KLHL13: variants seen among roughly 807,000 people sequenced by gnomAD.
The protein encoded by KLHL13 is kelch like family member 13, also known as kelch-like protein 13.
In KLHL13, 10 loss-of-function variants were observed where a neutral mutation model predicts 37.1. That is an observed-to-expected ratio of 0.27 (90% CI 0.17 to 0.46). KLHL13 has a LOEUF of 0.46. Among genes scored for constraint, KLHL13 ranks in the 20% least tolerant of loss-of-function variants. KLHL13 has a pLI of 1.00. For missense variants in KLHL13, 360 were observed against 509.3 expected (o/e 0.71, Z 2.82); for synonymous variants, 163 against 181.2 (o/e 0.90, Z 0.81).
chrX:118,108,857 A>C (rs1489997399), intron 1 of KLHL13, among the ~76,000 whole-genome samples: 2 of 111,513 alleles, frequency 1.8e-5, no homozygotes, highest in Non-Finnish European at 3.8e-5. Context: ...CCCAGACTGA[A>C]GAGCAGTGGT....
intron 1 of KLHL13, among the ~76,000 whole-genome samples, chrX:118,081,224 T>C (rs909176780): frequency 2.7e-5 from 3 of 111,401 alleles, no homozygotes; most frequent in African/African-American, 6.5e-5. Context: ...ACACCCTGTA[T>C]CTAAAATAAA....
intron 2 of KLHL13, among the ~76,000 whole-genome samples, chrX:117,921,001 A>T (rs1202265795): frequency 1.8e-5 from 2 of 111,828 alleles, no homozygotes; most frequent in African/African-American, 6.5e-5. Flanking sequence ...AAACCCCAAC[A>T]TGAGACTTAA....
At position 117,994,763 on chromosome X, in the gene KLHL13, G is replaced by T. The variant is rs12844164; in HGVS notation, c.-55-49188C>A. On this transcript the variant is annotated intron_variant, in intron 1 of 6. Coordinates refer to the KLHL13 transcript ENST00000371882. ...GTTCAACTTTCATAAACAGCAACTA[G>T]TGTCTAATATGTTCTCACTAAAAAT... Among the ~76,000 whole-genome samples, 787 of 112,168 alleles carry T rather than the reference G, an allele frequency of 7.0e-3. 11 individuals carry two copies. The highest frequency in any genetic ancestry group is 0.024 in the African/African-American group (744 of 30,880).
intron 2 of KLHL13, among the ~76,000 whole-genome samples, chrX:117,935,640 G>A (rs1932739938): frequency 2.7e-5 from 3 of 111,088 alleles, no homozygotes; most frequent in African/African-American, 9.8e-5. Flanking sequence ...GAGAGTGAAG[G>A]GGGAGGTGCT....
intron 2 of KLHL13, among the ~76,000 whole-genome samples, chrX:117,925,994 A>T (rs1931993156): frequency 9.0e-6 from 1 of 110,750 alleles, no homozygotes; most frequent in Non-Finnish European, 1.9e-5. Flanking sequence ...CCCAAATTCC[A>T]CCTCCTTTGT....
rs948706787 is a variant in KLHL13 at position 118,017,750 on chromosome X, C to A, written c.-55-72175G>T. 2.7e-5 allele frequency among the ~76,000 whole-genome samples: 3 copies of A among 111,822 alleles called. No individual in the cohort carries two copies. In the Admixed American group the frequency reaches 2.9e-4, roughly 11 times the overall value. On this transcript the variant is annotated intron_variant, in intron 1 of 6. Transcript: ENST00000371882. ...TTAACATTCACTGCTATATCCCTAG[C>A]ACCCTACCCAGTAAGTGGTGAATAA... is the stretch of plus-strand genomic sequence containing the variant.
At chrX:118,102,583 T>C (rs1362863908) in intron 1 of KLHL13, among the ~76,000 whole-genome samples, 1 of 112,332 alleles carries the variant, frequency 8.9e-6, no homozygotes, top group Non-Finnish European at 1.9e-5. Context: ...TGCATCCCCA[T>C]CACCTGGTTT....
At chrX:118,019,135 T>C (rs1254531049) in intron 1 of KLHL13, among the ~76,000 whole-genome samples, 1 of 111,308 alleles carries the variant, frequency 9.0e-6, no homozygotes, top group Non-Finnish European at 1.9e-5. Flanking sequence ...CCTCATGCCA[T>C]AGATTACATC....
chrX:118,113,538 C>G (rs776228596), intron 1 of KLHL13, among the ~76,000 whole-genome samples: 1 of 112,160 alleles, frequency 8.9e-6, no homozygotes, highest in Non-Finnish European at 1.9e-5. Context: ...TTTTTCCCCC[C>G]TCAAGGCCTT....
chrX:118,058,750 G>A (rs2054711170), intron 1 of KLHL13, among the ~76,000 whole-genome samples: 1 of 111,892 alleles, frequency 8.9e-6, no homozygotes, highest in African/African-American at 3.2e-5. Flanking sequence ...CTGAACTTCT[G>A]ACTATTAAGC....
At chrX:117,950,833 C>A (rs747358952) in intron 1 of KLHL13, among the ~76,000 whole-genome samples, 29 of 112,657 alleles carry the variant, frequency 2.6e-4, no homozygotes, top group African/African-American at 9.3e-4. Context: ...TGTCTGCTAG[C>A]AGCAGCATTT....
At chrX:118,007,388 A>AGAG (rs1176888319) in intron 1 of KLHL13, among the ~76,000 whole-genome samples, 1 of 101,714 alleles carries the variant, frequency 9.8e-6, no homozygotes, top group African/African-American at 4.1e-5. Flanking sequence ...AAAAAAAAAA[A>AGAG]AAAAAGAGAG....
At chrX:117,904,440 A>T (rs1930361762) in intron 5 of KLHL13, among the ~76,000 whole-genome samples, 1 of 111,396 alleles carries the variant, frequency 9.0e-6, no homozygotes, top group Admixed American at 9.6e-5. Context: ...AGTTGGAGCC[A>T]CAAAGCAGTG....
At chrX:118,098,954 G>A (rs2055249789) in intron 1 of KLHL13, among the ~76,000 whole-genome samples, 1 of 71,450 alleles carries the variant, frequency 1.4e-5, no homozygotes, top group African/African-American at 5.1e-5. Context: ...TGGGGGAAGG[G>A]GGGAGGGGGG....
intron 1 of KLHL13, among the ~76,000 whole-genome samples, chrX:118,016,212 A>C (rs2054127156): frequency 8.9e-6 from 1 of 111,865 alleles, no homozygotes; most frequent in African/African-American, 3.2e-5. Flanking sequence ...TGAGGACACC[A>C]CTTGACAAAT....
Position 118,094,958 on chromosome X carries a change from A to C in KLHL13, c.-56+21550T>G, listed in dbSNP as rs1213564209. On this transcript the variant is annotated intron_variant, in intron 1 of 6. Coordinates refer to the KLHL13 transcript ENST00000371882. ...AACATGCCAAATTGTAAAGACCATC[A>C]AGGCTAGGAAGAAACTGCATCTACT... Among the ~76,000 whole-genome samples the C allele has an allele frequency of 2.7e-5, 3 of 111,172 alleles. No homozygotes were observed. The South Asian group carries it at 1.1e-3, about 43-fold the overall frequency.
At chrX:117,996,063 C>A (rs1354976236) in intron 1 of KLHL13, among the ~76,000 whole-genome samples, 1 of 111,385 alleles carries the variant, frequency 9.0e-6, no homozygotes. Context: ...ACTCTATGTT[C>A]AACTTTTTAA....
chrX:118,070,247 G>A (rs769802137), intron 1 of KLHL13, among the ~76,000 whole-genome samples: 2 of 112,308 alleles, frequency 1.8e-5, no homozygotes, highest in African/African-American at 6.5e-5. Flanking sequence ...AAGCATTTAA[G>A]GCTACAAATT....
At chrX:117,940,614 T>A (rs892849580) in intron 2 of KLHL13, among the ~76,000 whole-genome samples, 1 of 111,827 alleles carries the variant, frequency 8.9e-6, no homozygotes, top group African/African-American at 3.3e-5. Flanking sequence ...CCTCTCTTAT[T>A]TCCTTGAGCA....
Sources: gnomAD v4.1 joint callset for allele counts (sites outside exome capture counted in the v4.1 genomes callset) on GRCh38, gnomAD v4.1.1 for gene constraint, MANE v1.5 for transcripts, NCBI Gene and HGNC (gene_info 2026-07-23, HGNC 2026-07-21) for gene names.